FARSB: variants seen among roughly 807,000 people sequenced by gnomAD.
The protein encoded by FARSB is phenylalanine--tRNA ligase beta subunit.
A neutral mutation model predicts 69.6 loss-of-function variants in FARSB; 40 were observed. That is an observed-to-expected ratio of 0.57 (90% CI 0.45 to 0.75). The LOEUF is 0.75. FARSB is among the 30% of genes least tolerant of loss of function. The pLI, the probability that FARSB is intolerant of heterozygous loss-of-function variation, is 0.00. For missense variants in FARSB, 632 were observed against 722.9 expected (o/e 0.87, Z 1.44); for synonymous variants, 235 against 247.2 (o/e 0.95, Z 0.46).
In FARSB at chr2:222,639,705, A is replaced by G. The variant is rs372194809; in HGVS notation, c.340-10T>C. 7 of 1,356,464 alleles carry G rather than the reference A, an allele frequency of 5.2e-6. No homozygotes were observed. The highest frequency in any genetic ancestry group is 1.9e-4 in the Middle Eastern group (1 of 5,348). 84.0% of individuals were successfully genotyped at this position (1,356,464 alleles called of 1,614,324 possible). ...GACGTATCTTAGCTGTCTGAAATTC[A>G]TAATATCATTAGAGATAGCAAACAG... On this transcript the variant is annotated splice_polypyrimidine_tract_variant and intron_variant, in intron 4 of 16. Transcript: ENST00000281828.
chr2:222,606,403 A>G (rs984941361), intron 15 of FARSB, among the ~76,000 whole-genome samples: 1 of 152,256 alleles, frequency 6.6e-6, no homozygotes, highest in Non-Finnish European at 1.5e-5. Context: ...GAACTATTTA[A>G]AAGTCATGCC....
chr2:222,622,019 C>CACAGGCCTTGGATGCAG (rs1387742274), intron 13 of FARSB, among the ~76,000 whole-genome samples: 1 of 152,194 alleles, frequency 6.6e-6, no homozygotes, highest in East Asian at 1.9e-4. Context: ...ACAGTTCAGT[C>CACAGGCCTTGGATGCAG]ACAGGCCTTG....
chr2:222,625,134 G>T lies in FARSB; in HGVS notation c.901-359C>A, dbSNP rs192854632. Among the ~76,000 whole-genome samples, 3 of 152,296 alleles carry T rather than the reference G, an allele frequency of 2.0e-5. No individual in the cohort carries two copies. In the East Asian group the frequency reaches 5.8e-4, roughly 29 times the overall value. On this transcript the variant is annotated intron_variant, in intron 10 of 16. Coordinates refer to ENST00000281828, the MANE Select transcript of FARSB (RefSeq NM_005687.5). ...CTAAAGATTTTCAGTCTCGTCCTAT[G>T]CAAGCAGATGGATATGACCAAGAAA...
At chr2:222,640,545 G>A (rs1691694156) in intron 4 of FARSB, among the ~76,000 whole-genome samples, 1 of 148,918 alleles carries the variant, frequency 6.7e-6, no homozygotes, top group African/African-American at 2.5e-5. Context: ...TATCCTTTGA[G>A]CTCAGGAATG....
rs1691754108 is a variant in FARSB, at chr2:222,642,748, TCTA to T, written c.269+100_269+102del. 3.6e-6 allele frequency: 3 copies of T among 824,540 alleles called. No individual in the cohort carries two copies. In the East Asian group the frequency reaches 7.5e-5, roughly 21 times the overall value. 51.1% of individuals were successfully genotyped at this position (824,540 alleles called of 1,614,324 possible). On this transcript the variant is annotated intron_variant, in intron 3 of 16. Transcript: ENST00000281828. ...CTATTGAGAGCTAAAGCTACGTTCCTCTACAAGCTTTTTCCTAGAAATTTAAAC... is the reference window on the plus strand; with the variant it reads ...CTATTGAGAGCTAAAGCTACGTTCCTCAAGCTTTTTCCTAGAAATTTAAAC...
Position 222,616,131 on chromosome 2 carries a change from T to C in FARSB, c.1345-2203A>G, listed in dbSNP as rs527314657. Among the ~76,000 whole-genome samples, 412 of 152,240 alleles carry C rather than the reference T, an allele frequency of 2.7e-3. 1 individual carries two copies. Among genetic ancestry groups the C allele is most frequent in the African/African-American group, 9.4e-3 (391 of 41,532 alleles). ...AACATATTCAGCAAAATCCTAAATG[T>C]AAGAATTCTATAGGACAAATGACTC... On this transcript the variant is annotated intron_variant, in intron 14 of 16. Transcript: ENST00000281828.
At chr2:222,584,951 G>A (rs1268272303) in intron 16 of FARSB, among the ~76,000 whole-genome samples, 3 of 152,226 alleles carry the variant, frequency 2.0e-5, no homozygotes, top group African/African-American at 4.8e-5. Context: ...AGAAACTTCT[G>A]CAGACTTAAA....
chr2:222,600,482 TACA>T (rs1368200377), intron 15 of FARSB, among the ~76,000 whole-genome samples: 4 of 152,218 alleles, frequency 2.6e-5, no homozygotes, highest in African/African-American at 9.6e-5. Flanking sequence ...AGACATTTAC[TACA>T]ACATTATTTC....
chr2:222,617,681 C>T (rs1337297209), intron 14 of FARSB, among the ~76,000 whole-genome samples: 4 of 152,136 alleles, frequency 2.6e-5, no homozygotes, highest in African/African-American at 4.8e-5. Flanking sequence ...GCCGGGAGTT[C>T]GAGACCAGCC....
chr2:222,574,662 A>G (rs1263064891), intron 16 of FARSB, among the ~76,000 whole-genome samples: 2 of 152,238 alleles, frequency 1.3e-5, no homozygotes, highest in Non-Finnish European at 2.9e-5. Context: ...CAGTCATAAG[A>G]TTCCTGTATA....
At chr2:222,582,090 C>A (rs1163881348) in intron 16 of FARSB, among the ~76,000 whole-genome samples, 1 of 152,192 alleles carries the variant, frequency 6.6e-6, no homozygotes, top group Non-Finnish European at 1.5e-5. Context: ...CCCAGAGATA[C>A]AGTGGCATTA....
intron 14 of FARSB, among the ~76,000 whole-genome samples, chr2:222,615,134 A>G (rs933394342): frequency 5.3e-5 from 8 of 152,214 alleles, no homozygotes; most frequent in African/African-American, 1.7e-4. Context: ...TCTGTAAAAC[A>G]TATTTCTCCC....
intron 1 of FARSB, among the ~76,000 whole-genome samples, chr2:222,651,018 A>C (rs1692023558): frequency 6.6e-6 from 1 of 152,244 alleles, no homozygotes; most frequent in Admixed American, 6.5e-5. Flanking sequence ...GCTGTAACAA[A>C]AATGAAAAAC....
chr2:222,601,298 A>G (rs1690551687), intron 15 of FARSB, among the ~76,000 whole-genome samples: 1 of 152,098 alleles, frequency 6.6e-6, no homozygotes, highest in Non-Finnish European at 1.5e-5. Context: ...AATTTTTTAA[A>G]GTATATGAAG....
At position 222,634,421 on chromosome 2, in the gene FARSB, A is replaced by G. The variant is rs1362346843; in HGVS notation, c.576T>C (p.Tyr192=). 6.2e-7 allele frequency: 1 copy of G among 1,609,592 alleles called. No homozygotes were observed. The highest frequency in any genetic ancestry group is 8.5e-7 in the Non-Finnish European group (1 of 1,177,168). The part of the protein sequence containing the change: ...KFKPLNKTKE[Y]TACELMNIYK... Reference sequence around the variant, plus strand: ...ATATGTTCATCAGTTCACAGGCTGTATACTCCTTGGTCTTATTTAGAGGCT... The same window carrying G: ...ATATGTTCATCAGTTCACAGGCTGTGTACTCCTTGGTCTTATTTAGAGGCT... Residue 192 remains tyrosine, a synonymous_variant, in exon 6 of 17, where the codon TAT becomes TAC. Coordinates refer to ENST00000281828, the MANE Select transcript of FARSB (RefSeq NM_005687.5).
rs191822810 is a variant in FARSB, at chr2:222,621,638, A to G, written c.1252-1901T>C. Among the ~76,000 whole-genome samples, 155 of 152,370 alleles carry G rather than the reference A, an allele frequency of 1.0e-3. 1 individual carries two copies. Among genetic ancestry groups the G allele is most frequent in the African/African-American group, 3.5e-3 (144 of 41,596 alleles). On this transcript the variant is annotated intron_variant, in intron 13 of 16. Transcript: ENST00000281828. ...TATTCCTATAACAAGGCTGAAGTAC[A>G]TAAGCCAACTTAAAAGTGAGCCAAT...
At chr2:222,633,118 C>G (rs1691478667) in intron 7 of FARSB, 81 bp downstream of exon 7, 2 of 784,628 alleles carry the variant, frequency 2.5e-6, no homozygotes, top group East Asian at 4.9e-5. Context: ...TTGATTCAGC[C>G]AAGTCTATTG....
At chr2:222,643,504 C>A (rs575936529) in intron 2 of FARSB, among the ~76,000 whole-genome samples, 1 of 152,126 alleles carries the variant, frequency 6.6e-6, no homozygotes, top group South Asian at 2.1e-4. Flanking sequence ...AAAACATCAC[C>A]AAGAACATAA....
At chr2:222,604,179 C>T (rs1273206237) in intron 15 of FARSB, among the ~76,000 whole-genome samples, 1 of 149,626 alleles carries the variant, frequency 6.7e-6, no homozygotes, top group Non-Finnish European at 1.5e-5. Flanking sequence ...GATCACGCCA[C>T]TGCACTCCAG....
Sources: gnomAD v4.1 joint callset for allele counts (sites outside exome capture counted in the v4.1 genomes callset) on GRCh38, gnomAD v4.1.1 for gene constraint, MANE v1.5 for transcripts, NCBI Gene and HGNC (gene_info 2026-07-23, HGNC 2026-07-21) for gene names.